SUPT3H: variants seen among roughly 807,000 people sequenced by gnomAD.
SUPT3H encodes transcription initiation protein SPT3 homolog.
Under a neutral mutation model 44.3 loss-of-function variants are expected in SUPT3H, and 44 were observed. That is an observed-to-expected ratio of 0.99 (90% confidence interval 0.78 to 1.28). SUPT3H has a LOEUF of 1.28. Ranked by LOEUF, SUPT3H falls within the 50% of genes most tolerant of loss-of-function variation. SUPT3H has a pLI of 0.00. For synonymous variants in SUPT3H, 124 were observed against 125.6 expected (o/e 0.99, Z 0.09); for missense variants, 380 against 387.1 (o/e 0.98, Z 0.15).
chr6:45,092,317 T>C (rs1420366545), intron 3 of SUPT3H, among the ~76,000 whole-genome samples: 1 of 152,188 alleles, frequency 6.6e-6, no homozygotes, highest in African/African-American at 2.4e-5. Context: ...TGCCATATTA[T>C]TAGTTGAATT....
chr6:44,888,352 T>C (rs536561985), intron 10 of SUPT3H, among the ~76,000 whole-genome samples: 4 of 152,100 alleles, frequency 2.6e-5, no homozygotes, highest in African/African-American at 7.2e-5. Flanking sequence ...TGAACATTGA[T>C]GCAAAAATCC....
At chr6:44,889,199 A>G (rs1010875542) in intron 10 of SUPT3H, among the ~76,000 whole-genome samples, 2 of 152,174 alleles carry the variant, frequency 1.3e-5, no homozygotes, top group African/African-American at 4.8e-5. Flanking sequence ...GTCCAAGGTA[A>G]TTTATAGATT....
chr6:45,275,968 T>A (rs1029753162), intron 2 of SUPT3H, among the ~76,000 whole-genome samples: 2 of 152,138 alleles, frequency 1.3e-5, no homozygotes, highest in East Asian at 1.9e-4. Flanking sequence ...ACCAGTATTA[T>A]CTTTTTTCTA....
intron 2 of SUPT3H, among the ~76,000 whole-genome samples, chr6:45,146,151 G>C (rs1806033053): frequency 6.6e-6 from 1 of 152,092 alleles, no homozygotes; most frequent in Admixed American, 6.6e-5. Context: ...ATTTGATCCA[G>C]CATCCCACTC....
chr6:45,121,162 C>T (rs1583654775), intron 2 of SUPT3H, among the ~76,000 whole-genome samples: 1 of 152,118 alleles, frequency 6.6e-6, no homozygotes, highest in East Asian at 1.9e-4. Context: ...AAATCTTGGC[C>T]CAGAAACTCT....
intron 10 of SUPT3H, among the ~76,000 whole-genome samples, chr6:44,903,654 A>G (rs969351585): frequency 2.6e-5 from 4 of 152,208 alleles, no homozygotes; most frequent in Admixed American, 2.6e-4. Flanking sequence ...CAACAGAAAA[A>G]GAGGGAATCC....
At chr6:44,916,186 C>T (rs769261025) in intron 10 of SUPT3H, among the ~76,000 whole-genome samples, 31 of 152,202 alleles carry the variant, frequency 2.0e-4, no homozygotes, top group Non-Finnish European at 3.8e-4. Context: ...GGAACTATTT[C>T]TGGGTAAGGA....
At chr6:44,924,953 T>C (rs1409170024) in intron 10 of SUPT3H, among the ~76,000 whole-genome samples, 2 of 152,158 alleles carry the variant, frequency 1.3e-5, no homozygotes, top group East Asian at 1.9e-4. Context: ...GTTGAACACA[T>C]AAGATGCAGA....
chr6:45,050,941 G>C (rs1403197803), intron 3 of SUPT3H, among the ~76,000 whole-genome samples: 4 of 137,134 alleles, frequency 2.9e-5, no homozygotes, highest in Non-Finnish European at 4.6e-5. Context: ...CTGGAGTGCA[G>C]TGGCATGATC....
intron 2 of SUPT3H, among the ~76,000 whole-genome samples, chr6:45,167,666 GT>G (rs60203219): frequency 0.051 from 7,438 of 145,736 alleles, 607 homozygotes; most frequent in African/African-American, 0.17. Flanking sequence ...GATTTTGGCT[GT>G]TTTTTTTTTT....
At chr6:45,069,595 A>G (rs1188431832) in intron 3 of SUPT3H, among the ~76,000 whole-genome samples, 1 of 152,186 alleles carries the variant, frequency 6.6e-6, no homozygotes, top group Non-Finnish European at 1.5e-5. Context: ...GTACACTCAT[A>G]GTCACCTTCC....
chr6:45,338,800 T>G (rs997415041), intron 2 of SUPT3H, among the ~76,000 whole-genome samples: 1 of 152,092 alleles, frequency 6.6e-6, no homozygotes, highest in South Asian at 2.1e-4. Flanking sequence ...TTTCTCTGGA[T>G]GAGACAAGGG....
chr6:45,175,962 G>T (rs1039226080), intron 2 of SUPT3H, among the ~76,000 whole-genome samples: 8 of 152,146 alleles, frequency 5.3e-5, no homozygotes, highest in Non-Finnish European at 1.2e-4. Flanking sequence ...CTTCCTAGCA[G>T]ATATCTCCAA....
intron 1 of SUPT3H, among the ~76,000 whole-genome samples, chr6:45,372,783 C>T (rs528253863): frequency 6.6e-6 from 1 of 152,152 alleles, no homozygotes; most frequent in South Asian, 2.1e-4. Context: ...CTCAGCCTCC[C>T]AAGCAGTTGG....
chr6:44,911,659 C>G (rs1459586854), intron 10 of SUPT3H, among the ~76,000 whole-genome samples: 1 of 152,122 alleles, frequency 6.6e-6, no homozygotes. Context: ...ATTCTAATGT[C>G]TACTATCCAT....
At chr6:45,166,212 G>GCATCTGGGAGC (rs1407870765) in intron 2 of SUPT3H, among the ~76,000 whole-genome samples, 2 of 152,142 alleles carry the variant, frequency 1.3e-5, no homozygotes, top group Non-Finnish European at 2.9e-5. Flanking sequence ...AAGATGGCTT[G>GCATCTGGGAGC]CATCTGGGAG....
At chr6:45,062,511 G>C (rs1020944317) in intron 3 of SUPT3H, among the ~76,000 whole-genome samples, 1 of 152,172 alleles carries the variant, frequency 6.6e-6, no homozygotes, top group Admixed American at 6.5e-5. Flanking sequence ...CGTGAGCGAC[G>C]CAGAAGACGG....
At chr6:45,354,544 TCA>T (rs71779492) in intron 2 of SUPT3H, among the ~76,000 whole-genome samples, 18,325 of 152,042 alleles carry the variant, frequency 0.12, 1,258 homozygotes, top group African/African-American at 0.19. Flanking sequence ...AGGGATTGTC[TCA>T]GTTTCCTTGG....
At chr6:45,321,716 T>C in intron 2 of SUPT3H, 1 of 990,112 alleles carries the variant, frequency 1.0e-6, no homozygotes, top group Non-Finnish European at 1.5e-6. Context: ...AACAATCTAT[T>C]TGTATCTAAT....
Sources: gnomAD v4.1 joint callset for allele counts (sites outside exome capture counted in the v4.1 genomes callset) on GRCh38, gnomAD v4.1.1 for gene constraint, MANE v1.5 for transcripts, NCBI Gene and HGNC (gene_info 2026-07-23, HGNC 2026-07-21) for gene names.